PIK3R3: variants seen among roughly 807,000 people sequenced by gnomAD.
The protein encoded by PIK3R3 is phosphoinositide-3-kinase regulatory subunit 3, also known as phosphatidylinositol 3-kinase regulatory subunit gamma.
Under a neutral mutation model 62.9 loss-of-function variants are expected in PIK3R3, and 64 were observed. The observed-to-expected ratio is 1.02, with a 90% CI of 0.83 to 1.25. The LOEUF is 1.25. Ranked by LOEUF, PIK3R3 falls within the 50% of genes most tolerant of loss-of-function variation. The probability of loss-of-function intolerance (pLI) is 0.00; values close to 1 mark genes in which losing one functional copy is unlikely to be tolerated. For missense variants in PIK3R3, 614 were observed against 561.6 expected, an observed-to-expected ratio of 1.09 and a Z score of -0.94; for synonymous variants, 165 against 189.0, an observed-to-expected ratio of 0.87 and a Z score of 1.04.
intron 1 of PIK3R3, among the ~76,000 whole-genome samples, chr1:46,126,686 G>A (rs536015390): frequency 2.5e-4 from 38 of 151,852 alleles, no homozygotes; most frequent in Non-Finnish European, 4.4e-4. Flanking sequence ...CAGGCATGGT[G>A]GCGCAGAGGG....
chr1:46,076,577 T>C lies in PIK3R3; in HGVS notation c.314+938A>G, dbSNP rs1650085034. Among the ~76,000 whole-genome samples the C allele has an allele frequency of 2.0e-5, 3 of 152,192 alleles. No individual in the cohort carries two copies. The South Asian group carries it at 6.2e-4, about 31-fold the overall frequency. On this transcript the variant is annotated intron_variant, in intron 3 of 9. Transcript: ENST00000262741. ...GCAAAGGTATTAATTTCTTTAGCTC[T>C]TTACCAGAAACTAAAATAGTGCCTC... is the stretch of plus-strand genomic sequence containing the variant.
Position 46,132,495 on chromosome 1 carries a change from G to A in PIK3R3, c.-543C>T, listed in dbSNP as rs1420558809. ...CCGGGACTCGGGCTCCTCTCCGGTC[G>A]GTCTCGGAACCGAAGCTGCCGCAGC... On this transcript the variant is annotated 5_prime_UTR_variant, in exon 1 of 10. Coordinates refer to ENST00000262741, the MANE Select transcript of PIK3R3 (RefSeq NM_003629.4). 4 of 1,210,610 alleles carry A rather than the reference G, an allele frequency of 3.3e-6. No homozygotes were observed. The highest frequency in any genetic ancestry group is 3.1e-5 in the Admixed American group (1 of 32,630). The allele number at this position is 1,210,610 out of a possible 1,614,324, so 75.0% of individuals were successfully genotyped here. A position where few individuals can be genotyped will look rare whatever the true frequency, so the allele number is the denominator to read the frequency against.
the PIK3R3 span, among the ~76,000 whole-genome samples, chr1:46,147,733 G>C: frequency 9.6e-3 from 1,457 of 152,204 alleles, 76 homozygotes; most frequent in East Asian, 0.16. Flanking sequence ...CCAGAACTCT[G>C]TTTTTTTAAA....
At chr1:46,080,040 T>A (rs1452204336) in intron 2 of PIK3R3, among the ~76,000 whole-genome samples, 1 of 151,482 alleles carries the variant, frequency 6.6e-6, no homozygotes, top group Non-Finnish European at 1.5e-5. Flanking sequence ...CCATGCAAAA[T>A]TTTTTAAGTG....
Position 46,120,159 on chromosome 1 carries a change from CA to C in PIK3R3, c.106+11687del, listed in dbSNP as rs1654536898. Among the ~76,000 whole-genome samples the C allele has an allele frequency of 8.5e-5, 13 of 152,308 alleles. No individual in the cohort carries two copies. In the South Asian group the frequency reaches 2.5e-3, roughly 29 times the overall value. ...ACACTATTCCAATGCCTATATTCCTCAAATTAGTTAACTGTAAACCAGAGAT... is the reference window on the plus strand; with the variant it reads ...ACACTATTCCAATGCCTATATTCCTCAATTAGTTAACTGTAAACCAGAGAT... On this transcript the variant is annotated intron_variant, in intron 1 of 9. Transcript: ENST00000262741.
At chr1:46,097,730 AT>A (rs1652274035) in intron 1 of PIK3R3, among the ~76,000 whole-genome samples, 1 of 152,106 alleles carries the variant, frequency 6.6e-6, no homozygotes, top group South Asian at 2.1e-4. Flanking sequence ...TTTACTAAAA[AT>A]ACAAGAAATC....
intron 6 of PIK3R3, among the ~76,000 whole-genome samples, chr1:46,061,003 C>T (rs1648429957): frequency 6.6e-6 from 1 of 152,200 alleles, no homozygotes; most frequent in Non-Finnish European, 1.5e-5. Flanking sequence ...ACTTCTCCTG[C>T]CACATCCTTT....
chr1:46,132,526 G>C lies in PIK3R3; in HGVS notation c.-574C>G. On this transcript the variant is annotated 5_prime_UTR_variant, in exon 1 of 10. Transcript: ENST00000262741. ...GGAACCGAAGCTGCCGCAGCCTCGGGAATGGGGCCGGCCGGAGAAGTCCAG... is the reference window on the plus strand; with the variant it reads ...GGAACCGAAGCTGCCGCAGCCTCGGCAATGGGGCCGGCCGGAGAAGTCCAG... The C allele has an allele frequency of 4.8e-6, 6 of 1,241,964 alleles. No homozygotes were observed. The highest frequency in any genetic ancestry group is 6.2e-6 in the Non-Finnish European group (6 of 965,078). 76.9% of individuals were successfully genotyped at this position (1,241,964 alleles called of 1,614,324 possible).
the PIK3R3 span, among the ~76,000 whole-genome samples, chr1:46,169,258 T>G: frequency 1.3e-5 from 2 of 152,210 alleles, no homozygotes; most frequent in Admixed American, 1.3e-4. Flanking sequence ...AGGCATCTTA[T>G]CTACCCTCCC....
Position 46,043,796 on chromosome 1 carries a change from C to T in PIK3R3, c.1263G>A (p.Leu421=). The change falls in exon 10 of 10, where the codon CTG becomes CTA. Residue 421 remains leucine, a synonymous_variant. Coordinates refer to ENST00000262741, the MANE Select transcript of PIK3R3 (RefSeq NM_003629.4). Reference sequence around the variant, plus strand: ...GCACTAGCTCCTTCAGAGAGCTGTACAGGTTGTAGGGCTCTGCAAAGCCAT... The same window carrying T: ...GCACTAGCTCCTTCAGAGAGCTGTATAGGTTGTAGGGCTCTGCAAAGCCAT... ...RGYGFAEPYN[L]YSSLKELVLH... The T allele has an allele frequency of 6.2e-7, 1 of 1,614,124 alleles. No individual in the cohort carries two copies. The highest frequency in any genetic ancestry group is 8.5e-7 in the Non-Finnish European group (1 of 1,179,966).
intron 1 of PIK3R3, chr1:46,105,048 A>G: frequency 1.3e-6 from 1 of 749,994 alleles, no homozygotes; most frequent in South Asian, 1.4e-5. Context: ...AAATACAGTA[A>G]TGCTGTATTA....
intron 3 of PIK3R3, among the ~76,000 whole-genome samples, chr1:46,072,604 T>C (rs1191611076): frequency 6.6e-6 from 1 of 152,204 alleles, no homozygotes; most frequent in Non-Finnish European, 1.5e-5. Context: ...CACAACTTAG[T>C]GTGGGATTAA....
chr1:46,134,047 T>C (rs1464253307), upstream of PIK3R3, among the ~76,000 whole-genome samples: 1 of 152,204 alleles, frequency 6.6e-6, no homozygotes, highest in Non-Finnish European at 1.5e-5. Flanking sequence ...ACTGAATAGC[T>C]AAAAGCAGAT....
chr1:46,132,670 G>A, upstream of PIK3R3: 2 of 1,289,740 alleles, frequency 1.6e-6, no homozygotes, highest in Middle Eastern at 2.1e-4. Context: ...GGCGCGGAGG[G>A]GACACCCTCC....
intron 1 of PIK3R3, among the ~76,000 whole-genome samples, chr1:46,126,231 G>C (rs785497): frequency 0.72 from 108,875 of 151,762 alleles, 39,151 homozygotes; most frequent in African/African-American, 0.75. Flanking sequence ...CAGCAGCAGA[G>C]ATGAGAATTT....
chr1:46,139,367 A>G, the PIK3R3 span, among the ~76,000 whole-genome samples: 2 of 151,294 alleles, frequency 1.3e-5, no homozygotes, highest in East Asian at 1.9e-4. Flanking sequence ...GTACAATGGC[A>G]TGATCTGGGC....
the PIK3R3 span, among the ~76,000 whole-genome samples, chr1:46,163,554 G>A: frequency 6.6e-6 from 1 of 152,214 alleles, no homozygotes; most frequent in Non-Finnish European, 1.5e-5. Context: ...ATGATTACTA[G>A]CTAGAGAGAC....
rs1647017680 is a variant in PIK3R3, at chr1:46,042,670, A to G, written c.*1003T>C. On this transcript the variant is annotated 3_prime_UTR_variant, in exon 10 of 10. Coordinates refer to ENST00000262741, the MANE Select transcript of PIK3R3 (RefSeq NM_003629.4). This position sits in a 1 kb window ranked among gnomAD's most constrained non-coding sequence, Gnocchi z 4.3. The stretch of plus-strand genomic sequence containing the variant: ...ATGTTGTTCTATATTGTTATTTGGT[A>G]TATCAAGCCATCTAAAAGCACTGCA... 1.8e-5 allele frequency: 4 copies of G among 218,332 alleles called. No individual in the cohort carries two copies. The highest frequency in any genetic ancestry group is 3.7e-5 in the Non-Finnish European group (4 of 108,422). The allele number at this position is 218,332 out of a possible 1,614,324, so 13.5% of individuals were successfully genotyped here.
chr1:46,124,574 A>T (rs1356143460), intron 1 of PIK3R3, among the ~76,000 whole-genome samples: 1 of 151,946 alleles, frequency 6.6e-6, no homozygotes, highest in African/African-American at 2.4e-5. Flanking sequence ...AGGCGGGAAG[A>T]CCACCTGAGG....
Sources: gnomAD v4.1 joint callset for allele counts (sites outside exome capture counted in the v4.1 genomes callset) on GRCh38, gnomAD v4.1.1 for gene constraint, Gnocchi (gnomAD v3.1) non-coding constraint, MANE v1.5 for transcripts, NCBI Gene and HGNC (gene_info 2026-07-23, HGNC 2026-07-21) for gene names.